Variants in PYGM observed in about 807,000 individuals in gnomAD.
The protein encoded by PYGM is glycogen phosphorylase, muscle form.
PYGM carries 81 observed loss-of-function variants against 99.3 expected under a neutral mutation model. That is an observed-to-expected ratio of 0.82 (90% CI 0.68 to 0.98). The LOEUF is 0.98. Ranked by LOEUF, PYGM falls within the 50% of genes least tolerant of loss-of-function variation. PYGM has a pLI of 0.00. For synonymous variants in PYGM, 436 were observed against 451.5 expected (o/e 0.97, Z 0.44); for missense variants, 1,030 against 1,158.1 (o/e 0.89, Z 1.61).
chr11:64,758,806 A>T lies in PYGM; in HGVS notation c.244-102T>A. On this transcript the variant is annotated intron_variant, in intron 1 of 19. Transcript: ENST00000164139. ...GACCTCTGGCCCGCCTGCCCTGCTC[A>T]GCAGTCCCATCCCTGTCCCCAATTT... The T allele has an allele frequency of 4.9e-6, 5 of 1,029,350 alleles. No homozygotes were observed. In the South Asian group the frequency reaches 6.5e-5, roughly 13 times the overall value. The allele number at this position is 1,029,350 out of a possible 1,614,324, so 63.8% of individuals were successfully genotyped here.
chr11:64,756,261 T>TC (rs1379286519), intron 5 of PYGM, among the ~76,000 whole-genome samples: 1 of 152,132 alleles, frequency 6.6e-6, no homozygotes, highest in Admixed American at 6.5e-5. Context: ...TCTCCTGCCT[T>TC]CCAGCCACAG....
At position 64,755,150 on chromosome 11, in the gene PYGM, G is replaced by T; in HGVS notation, c.855+123C>A. The T allele has an allele frequency of 8.5e-7, 1 of 1,172,890 alleles. No individual in the cohort carries two copies. Among genetic ancestry groups the T allele is most frequent in the Non-Finnish European group, 1.3e-6 (1 of 796,654 alleles). The allele number at this position is 1,172,890 out of a possible 1,614,324, so 72.7% of individuals were successfully genotyped here. A position where few individuals can be genotyped will look rare whatever the true frequency, so the allele number is the denominator to read the frequency against. Reference sequence around the variant, plus strand: ...AAGACTTGAGGTGGGGGCACAGGATGCACAAGGCCAGCAATATGCCCTGGG... The same window carrying T: ...AAGACTTGAGGTGGGGGCACAGGATTCACAAGGCCAGCAATATGCCCTGGG... On this transcript the variant is annotated intron_variant, in intron 7 of 19. Coordinates refer to ENST00000164139, the MANE Select transcript of PYGM (RefSeq NM_005609.4). This position sits in a 1 kb window ranked among gnomAD's most constrained non-coding sequence, Gnocchi z 4.1.
upstream of PYGM, among the ~76,000 whole-genome samples, chr11:64,760,645 T>C (rs536495840): frequency 6.6e-6 from 1 of 152,376 alleles, no homozygotes; most frequent in South Asian, 2.1e-4. Flanking sequence ...TGTAGTCCTA[T>C]AGGCCCTCGG....
At position 64,746,706 on chromosome 11, in the gene PYGM, C is replaced by T. The variant is rs767857001; in HGVS notation, c.2482G>A (p.Val828Met). The T allele has an allele frequency of 6.2e-6, 10 of 1,614,210 alleles. No homozygotes were observed. The highest frequency in any genetic ancestry group is 8.5e-6 in the Non-Finnish European group (10 of 1,180,034). Residue 828 changes from valine to methionine, a missense_variant, in exon 20 of 20, where the codon GTG becomes ATG. Physicochemically the swap from Val to Met is conservative, Grantham distance 21 (BLOSUM62 1). Transcript: ENST00000164139. The stretch of plus-strand genomic sequence containing the variant: ...GGCAGGCGCTGGCGGGAAGGCTCCA[C>T]ACCCCAGATCTCCCGGGCATACTGG... ...IAQYAREIWG[V>M]EPSRQRLPAP...
At chr11:64,756,534 T>G (rs1296275758) in intron 5 of PYGM, among the ~76,000 whole-genome samples, 1 of 152,142 alleles carries the variant, frequency 6.6e-6, no homozygotes, top group Non-Finnish European at 1.5e-5. Flanking sequence ...CACTGTAACC[T>G]CCACCTCCTG....
Position 64,755,323 on chromosome 11 carries a change from C to T in PYGM, c.805G>A (p.Asp269Asn). The T allele has an allele frequency of 3.7e-6, 6 of 1,614,130 alleles. No individual in the cohort carries two copies. Among genetic ancestry groups the T allele is most frequent in the Non-Finnish European group, 5.1e-6 (6 of 1,180,020 alleles). The change falls in exon 7 of 20, where the codon GAC becomes AAC. Residue 269 changes from aspartate (D) to asparagine (N), a missense_variant. Coordinates refer to ENST00000164139, the MANE Select transcript of PYGM (RefSeq NM_005609.4). This position sits in a 1 kb window ranked among gnomAD's most constrained non-coding sequence, Gnocchi z 4.1. ...GAGATGTTCTCCGCCAGGTTTCGGTCCAACACAGCCTGGATGTAGCCACCG... is the reference window on the plus strand; with the variant it reads ...GAGATGTTCTCCGCCAGGTTTCGGTTCAACACAGCCTGGATGTAGCCACCG... Reference protein sequence around the residue: ...NVGGYIQAVLDRNLAENISRV... With the variant: ...NVGGYIQAVLNRNLAENISRV...
At chr11:64,757,684 C>T in intron 5 of PYGM, 95 bp downstream of exon 5, 1 of 1,555,328 alleles carries the variant, frequency 6.4e-7, no homozygotes, top group Non-Finnish European at 8.8e-7. Flanking sequence ...TCAGCATCCT[C>T]AGGTGTAAAA....
intron 17 of PYGM, 52 bp from the exon 18 acceptor site, chr11:64,747,410 C>T (rs1213168609): frequency 1.2e-6 from 2 of 1,612,456 alleles, no homozygotes; most frequent in Non-Finnish European, 1.7e-6. Context: ...CCTGGCTCCT[C>T]TTCCAGAGAA....
chr11:64,746,743 G>A lies in PYGM; in HGVS notation c.2445C>T (p.Asp815=). Reference sequence around the variant, plus strand: ...CCCGGGCATACTGGGCAATGGTGCGGTCACTGGAGAACTTGCCAGAGGTGG... The same window carrying A: ...CCCGGGCATACTGGGCAATGGTGCGATCACTGGAGAACTTGCCAGAGGTGG... ...NIATSGKFSS[D]RTIAQYAREI... Residue 815 remains aspartate, a synonymous_variant, in exon 20 of 20, where the codon GAC becomes GAT. Coordinates refer to ENST00000164139, the MANE Select transcript of PYGM (RefSeq NM_005609.4). The A allele has an allele frequency of 1.2e-6, 2 of 1,614,200 alleles. No individual in the cohort carries two copies. Among genetic ancestry groups the A allele is most frequent in the Non-Finnish European group, 1.7e-6 (2 of 1,180,034 alleles).
intron 12 of PYGM, 63 bp from the exon 13 acceptor site, chr11:64,752,567 G>A: frequency 1.3e-6 from 2 of 1,501,190 alleles, no homozygotes; most frequent in Non-Finnish European, 1.8e-6. Context: ...AACACAGAAG[G>A]GGCCATTTCC....
chr11:64,758,568 C>G (rs770516018), intron 2 of PYGM, 35 bp downstream of exon 2: 6 of 1,613,208 alleles, frequency 3.7e-6, no homozygotes, highest in Non-Finnish European at 4.2e-6. Flanking sequence ...AGTGGAATCC[C>G]CCAGTCCCCA....
In PYGM at chr11:64,754,969, AG is replaced by A; in HGVS notation, c.856-134del. ...TGAGCCGGCCCCCTCTCTGGGACCCAGGGGCCTTTCCTCCACCAAGAACTAG... is the reference window on the plus strand; with the variant it reads ...TGAGCCGGCCCCCTCTCTGGGACCCAGGGCCTTTCCTCCACCAAGAACTAG... On this transcript the variant is annotated intron_variant, in intron 7 of 19. Transcript: ENST00000164139. The surrounding 1 kb of genome is among the most constrained non-coding windows in gnomAD (Gnocchi z 5.5). 2 of 1,285,044 alleles carry A rather than the reference AG, an allele frequency of 1.6e-6. No homozygotes were observed. Among genetic ancestry groups the A allele is most frequent in the Non-Finnish European group, 2.1e-6 (2 of 937,740 alleles). The allele number at this position is 1,285,044 out of a possible 1,614,324, so 79.6% of individuals were successfully genotyped here.
chr11:64,748,636 G>A (rs1346078994), intron 17 of PYGM: 2 of 152,176 alleles, frequency 1.3e-5, no homozygotes, highest in Non-Finnish European at 2.9e-5. Context: ...TAACCTTAGT[G>A]TCCAGCCACA....
Position 64,751,618 on chromosome 11 carries a change from C to G in PYGM, c.1806G>C (p.Arg602=), listed in dbSNP as rs1374004579. 11 of 1,614,004 alleles carry G rather than the reference C, an allele frequency of 6.8e-6. No individual in the cohort carries two copies. Among genetic ancestry groups the G allele is most frequent in the Non-Finnish European group, 9.3e-6 (11 of 1,179,910 alleles). Residue 602 remains arginine (R), a synonymous_variant, in exon 15 of 20, where the codon CGG becomes CGC. Coordinates refer to ENST00000164139, the MANE Select transcript of PYGM (RefSeq NM_005609.4). ...TCACCTTCCCTCCAATCATCACAGT[C>G]CGAGGCACAAAAAACTTATTGGGCT... ...KREPNKFFVP[R]TVMIGGKAAP... is the part of the protein sequence containing the mutation.
chr11:64,752,312 A>C (rs1023975072), intron 13 of PYGM, 91 bp downstream of exon 13: 2 of 1,480,180 alleles, frequency 1.4e-6, no homozygotes, highest in Admixed American at 3.4e-5. Flanking sequence ...GGCAGGAGAG[A>C]TGAGCTCTAT....
rs759631990 is a variant in PYGM, at chr11:64,759,690, C to T, written c.209G>A (p.Arg70His). ...VRDHLVGRWI[R>H]TQQHYYEKDP... Reference sequence around the variant, plus strand: ...CTTCTCATAGTAGTGCTGCTGCGTGCGGATCCAGCGCCCCACGAGGTGGTC... The same window carrying T: ...CTTCTCATAGTAGTGCTGCTGCGTGTGGATCCAGCGCCCCACGAGGTGGTC... The change falls in exon 1 of 20, where the codon CGC (arginine) becomes CAC (histidine). Residue 70 changes from arginine to histidine, a missense_variant. Transcript: ENST00000164139. The T allele has an allele frequency of 6.8e-6, 11 of 1,613,988 alleles. No homozygotes were observed. Among genetic ancestry groups the T allele is most frequent in the Non-Finnish European group, 2.5e-6 (3 of 1,180,008 alleles).
chr11:64,757,439 C>G (rs630966), intron 5 of PYGM, among the ~76,000 whole-genome samples: 116,624 of 152,124 alleles, frequency 0.77, 47,024 homozygotes, highest in Middle Eastern at 0.91. Flanking sequence ...TCCTGTCCCC[C>G]TTTCTGGGCT....
rs2058354200 is a variant in PYGM at position 64,751,341 on chromosome 11, G to T, written c.1953C>A (p.Val651=). Residue 651 remains valine, a synonymous_variant, in exon 16 of 20, where the codon GTC becomes GTA. Coordinates refer to ENST00000164139, the MANE Select transcript of PYGM (RefSeq NM_005609.4). ...AGCACCCACCTTTCTCGGCCAGTGA[G>T]ACTCGGTAGTTCTCCAGGAAGATGA... ...LRVIFLENYR[V]SLAEKVIPAA... 2 of 1,614,070 alleles carry T rather than the reference G, an allele frequency of 1.2e-6. No individual in the cohort carries two copies. The highest frequency in any genetic ancestry group is 4.5e-5 in the East Asian group (2 of 44,902).
chr11:64,755,392 C>T lies in PYGM; in HGVS notation c.773-37G>A. The T allele has an allele frequency of 6.2e-7, 1 of 1,613,068 alleles. No individual in the cohort carries two copies. The highest frequency in any genetic ancestry group is 8.5e-7 in the Non-Finnish European group (1 of 1,179,012). ...AAGTGGGGACAGGGTAAGGCCTGCG[C>T]TGGGCGTGGCCGGCGGGCAAGCTGG... On this transcript the variant is annotated intron_variant, in intron 6 of 19. Transcript: ENST00000164139. The surrounding 1 kb of genome is among the most constrained non-coding windows in gnomAD (Gnocchi z 4.1).
Sources: gnomAD v4.1 joint callset for allele counts (sites outside exome capture counted in the v4.1 genomes callset) on GRCh38, gnomAD v4.1.1 for gene constraint, Gnocchi (gnomAD v3.1) non-coding constraint, MANE v1.5 for transcripts, NCBI Gene and HGNC (gene_info 2026-07-23, HGNC 2026-07-21) for gene names.